The following PTH2R variants were observed in gnomAD, a reference collection of about 807,000 sequenced individuals.
PTH2R encodes PTH2 receptor.
A neutral mutation model predicts 60.3 loss-of-function variants in PTH2R; 59 were observed. The ratio of observed to expected loss-of-function variants is 0.98; its 90% CI spans 0.79 to 1.22. The LOEUF (loss-of-function observed/expected upper bound fraction) is 1.22. Ranked by LOEUF, PTH2R falls within the 50% of genes most tolerant of loss-of-function variation. The pLI is 0.00. For missense variants in PTH2R, 749 were observed against 682.6 expected (o/e 1.10, Z -1.08); for synonymous variants, 256 against 243.8 (o/e 1.05, Z -0.47).
chr2:208,473,474 C>G (rs1363492300), intron 9 of PTH2R, among the ~76,000 whole-genome samples: 5 of 152,152 alleles, frequency 3.3e-5, no homozygotes, highest in African/African-American at 4.8e-5. Context: ...CTGGACTGGA[C>G]AAATTCCTTT....
chr2:208,447,357 G>A (rs1242951345), intron 7 of PTH2R, among the ~76,000 whole-genome samples: 2 of 152,016 alleles, frequency 1.3e-5, no homozygotes, highest in African/African-American at 2.4e-5. Flanking sequence ...GGGAGGCCGA[G>A]GCGGGCGGAT....
chr2:208,397,226 G>T (rs1701227133), intron 1 of PTH2R, among the ~76,000 whole-genome samples: 1 of 151,778 alleles, frequency 6.6e-6, no homozygotes, highest in South Asian at 2.1e-4. Flanking sequence ...GATGGGTGCA[G>T]CAAACCAACA....
chr2:208,405,213 AATTAT>A, upstream of PTH2R, among the ~76,000 whole-genome samples: 1 of 152,174 alleles, frequency 6.6e-6, no homozygotes, highest in Non-Finnish European at 1.5e-5. Context: ...TAAAACATTA[AATTAT>A]TTATTTAATG....
chr2:208,393,264 C>T (rs888443623), intron 1 of PTH2R, among the ~76,000 whole-genome samples: 18 of 151,764 alleles, frequency 1.2e-4, no homozygotes, highest in African/African-American at 4.4e-4. Context: ...GTGTGATAAA[C>T]TTGTCCTTCA....
intron 1 of PTH2R, among the ~76,000 whole-genome samples, chr2:208,363,773 G>A (rs899847745): frequency 6.6e-6 from 1 of 152,160 alleles, no homozygotes; most frequent in Non-Finnish European, 1.5e-5. Context: ...GATTAGTGAT[G>A]TAGAGCATTT....
intron 1 of PTH2R, among the ~76,000 whole-genome samples, chr2:208,394,543 A>T (rs1701169763): frequency 6.6e-6 from 1 of 152,206 alleles, no homozygotes; most frequent in South Asian, 2.1e-4. Flanking sequence ...GCACCAGAGA[A>T]ACTAGACTTT....
In PTH2R at chr2:208,437,602, T is replaced by C; in HGVS notation, c.244T>C (p.Ser82Pro). ...GCCCAGAGGAACAGTGGGGAAAATA[T>C]CGGCTGTTCCATGCCCTCCTTATAT... ...CWPRGTVGKI[S>P]AVPCPPYIYD... The change falls in exon 3 of 13, where the codon TCG (serine) becomes CCG (proline). Residue 82 changes from serine to proline, a missense_variant. Physicochemically the swap from Ser to Pro is moderately conservative, Grantham distance 74. Transcript: ENST00000272847. The C allele has an allele frequency of 3.7e-6, 6 of 1,613,888 alleles. No homozygotes were observed. The highest frequency in any genetic ancestry group is 5.1e-6 in the Non-Finnish European group (6 of 1,179,902).
At chr2:208,401,861 C>T (rs1701316019), upstream of PTH2R, among the ~76,000 whole-genome samples, 1 of 152,142 alleles carries the variant, frequency 6.6e-6, no homozygotes, top group Non-Finnish European at 1.5e-5. Context: ...GCTCTGGTGC[C>T]TAAGAGACGC....
In PTH2R at chr2:208,458,889, A is replaced by G. The variant is rs113666607; in HGVS notation, c.915-1006A>G. On this transcript the variant is annotated intron_variant, in intron 8 of 12. Transcript: ENST00000272847. ...GATTGATTCCATGTCTTTCTTTGCT[A>G]TTGTGAACAGTGCTGCGATGAATAT... Among the ~76,000 whole-genome samples the G allele has an allele frequency of 9.9e-3, 1,500 of 152,082 alleles. 26 individuals are homozygous for G. The highest frequency in any genetic ancestry group is 0.034 in the African/African-American group (1,415 of 41,496).
At chr2:208,455,475 C>T (rs1437415) in intron 8 of PTH2R, among the ~76,000 whole-genome samples, 118,270 of 152,142 alleles carry the variant, frequency 0.78, 46,020 homozygotes, top group East Asian at 0.94. Context: ...GCAAAATATT[C>T]CACTTTCTTC....
At chr2:208,466,432 A>G (rs1414932610) in intron 9 of PTH2R, 1 of 152,292 alleles carries the variant, frequency 6.6e-6, no homozygotes, top group African/African-American at 2.4e-5. Flanking sequence ...CTTGCACCAG[A>G]TGCTAGGAGA....
intron 9 of PTH2R, among the ~76,000 whole-genome samples, chr2:208,461,351 A>G (rs531697011): frequency 6.6e-6 from 1 of 152,256 alleles, no homozygotes; most frequent in East Asian, 1.9e-4. Flanking sequence ...AAAGATAAAA[A>G]TTAACTGCTC....
In PTH2R at chr2:208,372,226, T is replaced by C. The variant is rs191694879; in HGVS notation, c.-259+11989T>C. Among the ~76,000 whole-genome samples the C allele has an allele frequency of 1.2e-3, 177 of 152,260 alleles. 1 individual carries two copies. The highest frequency in any genetic ancestry group is 8.3e-3 in the Admixed American group (127 of 15,300). On this transcript the variant is annotated intron_variant, in intron 1 of 12. Transcript: ENST00000617735. ...ATGAGTAGTTGACATTTATTAAGTG[T>C]TTATATGTGATAAGCACTGTTAGAT...
intron 1 of PTH2R, among the ~76,000 whole-genome samples, chr2:208,365,960 ATTTTTTTTTTTTTTTT>A (rs1172950601): frequency 1.9e-4 from 3 of 16,108 alleles, no homozygotes; most frequent in African/African-American, 2.4e-4. Flanking sequence ...ATATATATAT[ATTTTTTTTTTTTTTTT>A]TTTTTTTTTT....
chr2:208,426,019 C>G (rs1701850943), intron 1 of PTH2R, among the ~76,000 whole-genome samples: 1 of 152,166 alleles, frequency 6.6e-6, no homozygotes, highest in South Asian at 2.1e-4. Flanking sequence ...AGCACATCAA[C>G]TCCATCATGC....
At chr2:208,408,305 G>A (rs1701459831) in intron 1 of PTH2R, among the ~76,000 whole-genome samples, 1 of 152,110 alleles carries the variant, frequency 6.6e-6, no homozygotes, top group Non-Finnish European at 1.5e-5. Flanking sequence ...GTTACCAGAA[G>A]GAATATGAAT....
chr2:208,407,163 G>A (rs1701432355), intron 1 of PTH2R, 45 bp downstream of exon 1: 2 of 1,392,944 alleles, frequency 1.4e-6, no homozygotes, highest in African/African-American at 3.0e-5. Flanking sequence ...GGAGCCTCCG[G>A]CGGGGACTCA....
intron 1 of PTH2R, among the ~76,000 whole-genome samples, chr2:208,408,740 A>AAG (rs56107941): frequency 7.3e-5 from 9 of 123,316 alleles, no homozygotes; most frequent in African/African-American, 2.7e-4. Context: ...GAGAGAGAGA[A>AAG]AGAGAGAGAG....
At chr2:208,420,177 T>C (rs907952249) in intron 1 of PTH2R, among the ~76,000 whole-genome samples, 1 of 151,970 alleles carries the variant, frequency 6.6e-6, no homozygotes, top group Admixed American at 6.6e-5. Flanking sequence ...GGAGATATAC[T>C]TAATGCTAAA....
Sources: gnomAD v4.1 joint callset for allele counts (sites outside exome capture counted in the v4.1 genomes callset) on GRCh38, gnomAD v4.1.1 for gene constraint, MANE v1.5 for transcripts, NCBI Gene and HGNC (gene_info 2026-07-23, HGNC 2026-07-21) for gene names.